The following FHOD3 variants were observed in gnomAD, a reference collection of about 807,000 sequenced individuals.
The protein encoded by FHOD3 is FH1/FH2 domain-containing protein 3.
In FHOD3, 90 loss-of-function variants were observed where a neutral mutation model predicts 173.0. The observed-to-expected ratio is 0.52, with a 90% CI of 0.44 to 0.62. The LOEUF (loss-of-function observed/expected upper bound fraction) is 0.62, where lower values mean the gene tolerates loss of function less well. Among genes scored for constraint, FHOD3 ranks in the 20% least tolerant of loss-of-function variants. The pLI is 0.00. For synonymous variants in FHOD3, 828 were observed against 823.0 expected, an observed-to-expected ratio of 1.01 and a Z score of -0.10; for missense variants, 1,945 against 2,034.7, an observed-to-expected ratio of 0.96 and a Z score of 0.85.
At chr18:36,537,362 T>C (rs1224799804) in intron 5 of FHOD3, among the ~76,000 whole-genome samples, 4 of 152,182 alleles carry the variant, frequency 2.6e-5, no homozygotes, top group Non-Finnish European at 5.9e-5. Flanking sequence ...AGTCACTCCT[T>C]AATGGTTCTC....
intron 19 of FHOD3, among the ~76,000 whole-genome samples, chr18:36,726,615 A>G (rs1320750688): frequency 6.6e-6 from 1 of 152,128 alleles, no homozygotes. Flanking sequence ...ATTTTAAACC[A>G]TGGAAAACCA....
At chr18:36,509,441 AG>A (rs1327352505) in intron 4 of FHOD3, among the ~76,000 whole-genome samples, 7,495 of 68,126 alleles carry the variant, frequency 0.11, 524 homozygotes, top group East Asian at 0.35. Context: ...AAAAAAAAAA[AG>A]AAAAAAAAAA....
At chr18:36,650,793 C>A (rs965393771) in intron 11 of FHOD3, among the ~76,000 whole-genome samples, 4 of 152,172 alleles carry the variant, frequency 2.6e-5, no homozygotes, top group Non-Finnish European at 4.4e-5. Flanking sequence ...CTGGAAAAGG[C>A]GGCCTTCAAA....
chr18:36,562,635 G>T lies in FHOD3; in HGVS notation c.512-13816G>T, dbSNP rs565550830. Among the ~76,000 whole-genome samples the T allele has an allele frequency of 2.0e-5, 3 of 152,290 alleles. No homozygotes were observed. In the South Asian group the frequency reaches 6.2e-4, roughly 32 times the overall value. ...AGTTCTCTGCCTCATTGGAGAGCAG[G>T]ACGTGGAATCTTAGGTTATTCCTGG... On this transcript the variant is annotated intron_variant, in intron 5 of 28. Transcript: ENST00000590592.
chr18:36,720,759 G>T (rs56057111), intron 19 of FHOD3, among the ~76,000 whole-genome samples: 6 of 131,328 alleles, frequency 4.6e-5, no homozygotes, highest in Admixed American at 3.0e-4. Context: ...TTCTCCTCCT[G>T]CTCCTTCTCC....
chr18:36,400,343 T>C (rs2048746662), intron 3 of FHOD3, among the ~76,000 whole-genome samples: 1 of 151,988 alleles, frequency 6.6e-6, no homozygotes, highest in African/African-American at 2.4e-5. Context: ...CGTTGTTCTT[T>C]CCTGTTCCTC....
intron 3 of FHOD3, among the ~76,000 whole-genome samples, chr18:36,470,610 G>A (rs943130370): frequency 3.9e-5 from 6 of 152,164 alleles, no homozygotes; most frequent in Non-Finnish European, 5.9e-5. Flanking sequence ...TAGAGTTTTA[G>A]CTGGTATGGA....
rs28501192 is a variant in FHOD3, at chr18:36,495,863, G to A, written c.338-6069G>A. On this transcript the variant is annotated intron_variant, in intron 3 of 28. Coordinates refer to ENST00000590592, the MANE Select transcript of FHOD3 (RefSeq NM_001281740.3). The stretch of plus-strand genomic sequence containing the variant: ...CGATGTCTGTCAGTCATCCTACCTC[G>A]AGGAATCCTTGCACACACCTGCATA... Among the ~76,000 whole-genome samples the A allele has an allele frequency of 7.9e-3, 1,209 of 152,280 alleles. 16 individuals are homozygous for A. Among genetic ancestry groups the A allele is most frequent in the African/African-American group, 0.028 (1,155 of 41,554 alleles).
chr18:36,398,276 G>T (rs1397937512), intron 3 of FHOD3, among the ~76,000 whole-genome samples: 1 of 152,260 alleles, frequency 6.6e-6, no homozygotes, highest in African/African-American at 2.4e-5. Context: ...ACCATATCTT[G>T]GGATGCTGAT....
At chr18:36,351,511 C>T (rs899223452) in intron 1 of FHOD3, among the ~76,000 whole-genome samples, 7 of 152,192 alleles carry the variant, frequency 4.6e-5, no homozygotes, top group Admixed American at 6.5e-5. Flanking sequence ...TATACTTAAA[C>T]GATCTCTTTG....
At chr18:36,309,698 TG>T (rs2092202784) in intron 1 of FHOD3, among the ~76,000 whole-genome samples, 1 of 152,212 alleles carries the variant, frequency 6.6e-6, no homozygotes, top group African/African-American at 2.4e-5. Flanking sequence ...AGCAGCACCA[TG>T]TGCCTGGGAG....
chr18:36,679,622 T>A (rs1314174296), intron 14 of FHOD3, among the ~76,000 whole-genome samples: 1 of 152,188 alleles, frequency 6.6e-6, no homozygotes, highest in Non-Finnish European at 1.5e-5. Context: ...GTATTCTAAT[T>A]GTCCATGTTT....
intron 10 of FHOD3, among the ~76,000 whole-genome samples, chr18:36,639,894 T>G (rs569490179): frequency 6.6e-6 from 1 of 152,058 alleles, no homozygotes; most frequent in African/African-American, 2.4e-5. Flanking sequence ...TATCACTAGA[T>G]CCATTTGTTT....
intron 3 of FHOD3, among the ~76,000 whole-genome samples, chr18:36,403,082 G>A (rs892188239): frequency 6.6e-6 from 1 of 152,186 alleles, no homozygotes; most frequent in African/African-American, 2.4e-5. Context: ...AGAATCCAGT[G>A]CTTCTCGGAG....
In FHOD3 at chr18:36,547,817, G is replaced by A. The variant is rs182479271; in HGVS notation, c.512-28634G>A. Reference sequence around the variant, plus strand: ...GCCTGGGTAGCCAGCTGCTTCGTGAGGTTGGTTGTTTTGAGCTAAGCCTGG... The same window carrying A: ...GCCTGGGTAGCCAGCTGCTTCGTGAAGTTGGTTGTTTTGAGCTAAGCCTGG... On this transcript the variant is annotated intron_variant, in intron 5 of 28. Transcript: ENST00000590592. 1.3e-3 allele frequency among the ~76,000 whole-genome samples: 204 copies of A among 152,266 alleles called. 2 individuals carry two copies. Among genetic ancestry groups the A allele is most frequent in the Non-Finnish European group, 2.4e-3 (163 of 68,022 alleles).
In FHOD3 at chr18:36,663,099, A is replaced by G. The variant is rs200612909; in HGVS notation, c.1835+4911A>G. On this transcript the variant is annotated intron_variant, in intron 14 of 28. Coordinates refer to ENST00000590592, the MANE Select transcript of FHOD3 (RefSeq NM_001281740.3). Reference sequence around the variant, plus strand: ...TGAGTAAATCTTTTCTATTTTCATGATTTTGTGTTCCTACTGAAGAAAGCC... The same window carrying G: ...TGAGTAAATCTTTTCTATTTTCATGGTTTTGTGTTCCTACTGAAGAAAGCC... Among the ~76,000 whole-genome samples, 13 of 152,012 alleles carry G rather than the reference A, an allele frequency of 8.6e-5. No individual in the cohort carries two copies. In the East Asian group the frequency reaches 2.1e-3, roughly 25 times the overall value.
Position 36,297,865 on chromosome 18 carries a change from C to A in FHOD3, c.30C>A (p.Phe10Leu). MATLACRVQ[F>L]LDDTDPFNST... ...CCACGCTGGCTTGCCGGGTGCAGTT[C>A]TTGGACGACACGGACCCTTTCAACA... Residue 10 changes from phenylalanine to leucine, a missense_variant, in exon 1 of 29, where the codon TTC (phenylalanine) becomes TTA (leucine). Around this residue, in one of 5 missense-constraint regions of FHOD3, gnomAD observed 245 missense variants for 267.7 expected, o/e 0.92. Transcript: ENST00000590592. 6.5e-7 allele frequency: 1 copy of A among 1,543,550 alleles called. No individual in the cohort carries two copies. The highest frequency in any genetic ancestry group is 8.7e-7 in the Non-Finnish European group (1 of 1,145,258).
intron 5 of FHOD3, among the ~76,000 whole-genome samples, chr18:36,567,952 G>A (rs547554691): frequency 3.3e-5 from 5 of 152,066 alleles, no homozygotes; most frequent in Admixed American, 6.5e-5. Flanking sequence ...GGCCCCAGTT[G>A]TGGCTAGCTA....
chr18:36,657,539 G>A (rs778646168), intron 13 of FHOD3, among the ~76,000 whole-genome samples: 3 of 152,204 alleles, frequency 2.0e-5, no homozygotes, highest in Non-Finnish European at 4.4e-5. Flanking sequence ...TAAGGAGCAG[G>A]CCAGTCCAGA....
Sources: gnomAD v4.1 joint callset for allele counts (sites outside exome capture counted in the v4.1 genomes callset) on GRCh38, gnomAD v4.1.1 for gene constraint, gnomAD v4.1.1 regional missense constraint, MANE v1.5 for transcripts, NCBI Gene and HGNC (gene_info 2026-07-23, HGNC 2026-07-21) for gene names.